Variants in PCDHGA9 observed in about 807,000 individuals in gnomAD.
PCDHGA9 encodes the protein protocadherin gamma-A9.
In PCDHGA9, 37 loss-of-function variants were observed where a neutral mutation model predicts 62.5. The ratio of observed to expected loss-of-function variants is 0.59; its 90% CI spans 0.46 to 0.78. The LOEUF (loss-of-function observed/expected upper bound fraction) is 0.78, where lower values mean the gene tolerates loss of function less well. PCDHGA9 is among the 30% of genes least tolerant of loss of function. The pLI is 0.00. For missense variants in PCDHGA9, 1,138 were observed against 1,166.2 expected, an observed-to-expected ratio of 0.98 and a Z score of 0.35; for synonymous variants, 459 against 484.6, an observed-to-expected ratio of 0.95 and a Z score of 0.69.
rs753538822 is a variant in PCDHGA9, at chr5:141,476,676, G to C, written c.2425-18131G>C. 6 of 1,614,222 alleles carry C rather than the reference G, an allele frequency of 3.7e-6. No individual in the cohort carries two copies. Among genetic ancestry groups the C allele is most frequent in the Non-Finnish European group, 4.2e-6 (5 of 1,180,054 alleles). ...TACTTTGCGCTTCGCGTGCAGACGCGGGAGGACAGCACCAAGTACGCGGAG... is the reference window on the plus strand; with the variant it reads ...TACTTTGCGCTTCGCGTGCAGACGCCGGAGGACAGCACCAAGTACGCGGAG... On this transcript the variant is annotated intron_variant, in intron 1 of 3. Transcript: ENST00000573521. The surrounding 1 kb of genome is among the most constrained non-coding windows in gnomAD (Gnocchi z 7.6).
At chr5:141,414,622 C>T in intron 1 of PCDHGA9, 1 of 1,613,956 alleles carries the variant, frequency 6.2e-7, no homozygotes. Context: ...AGCGCTGGAC[C>T]CGGACAGCAA....
chr5:141,511,202 C>T lies in PCDHGA9; in HGVS notation c.*29C>T, dbSNP rs201024828. 2.0e-3 allele frequency: 3,296 copies of T among 1,612,132 alleles called. 7 individuals carry two copies. Among genetic ancestry groups the T allele is most frequent in the Middle Eastern group, 0.013 (77 of 6,006 alleles). On this transcript the variant is annotated 3_prime_UTR_variant, in exon 4 of 4. Coordinates refer to ENST00000573521, the MANE Select transcript of PCDHGA9 (RefSeq NM_018921.3). ...GGAGGCCAGGCCAAGAGCCACAGGG[C>T]GGCCTCTCCCCAACCAGCCCAGCTT...
At chr5:141,438,366 G>A (rs749623408) in intron 1 of PCDHGA9, among the ~76,000 whole-genome samples, 6 of 151,462 alleles carry the variant, frequency 4.0e-5, no homozygotes, top group Non-Finnish European at 7.4e-5. Context: ...TTGTCATTGA[G>A]GGCAGATATA....
At chr5:141,433,358 C>CCTAA (rs1554125965) in intron 1 of PCDHGA9, 1 of 503,368 alleles carries the variant, frequency 2.0e-6, no homozygotes, top group Non-Finnish European at 3.5e-6. Flanking sequence ...CTACTGTCTG[C>CCTAA]CTATCTATCT....
intron 1 of PCDHGA9, chr5:141,478,636 T>G: frequency 1.3e-6 from 2 of 1,552,744 alleles, no homozygotes; most frequent in South Asian, 2.4e-5. Flanking sequence ...TTTTTAGTGA[T>G]GAAGATGTTT....
chr5:141,447,919 C>G (rs940570932), intron 1 of PCDHGA9, among the ~76,000 whole-genome samples: 2 of 152,012 alleles, frequency 1.3e-5, no homozygotes, highest in East Asian at 1.9e-4. Context: ...AACTCTGTCT[C>G]CACTAAAAAT....
At chr5:141,409,896 C>A (rs1181128940) in intron 1 of PCDHGA9, 1 of 1,613,240 alleles carries the variant, frequency 6.2e-7, no homozygotes, top group African/African-American at 1.3e-5. Context: ...GTGCTGTACC[C>A]AGCTCTGGGT....
chr5:141,421,125 C>G, intron 1 of PCDHGA9: 1 of 804,210 alleles, frequency 1.2e-6, no homozygotes, highest in Admixed American at 3.0e-5. Flanking sequence ...CCTTCGCTTT[C>G]TGATATATTT....
chr5:141,433,993 T>G (rs1367687577), intron 1 of PCDHGA9, among the ~76,000 whole-genome samples: 1 of 152,216 alleles, frequency 6.6e-6, no homozygotes, highest in Non-Finnish European at 1.5e-5. Context: ...GAGTTTTATA[T>G]TCTCTATATA....
chr5:141,424,391 C>T (rs2096818270), intron 1 of PCDHGA9: 1 of 152,106 alleles, frequency 6.6e-6, no homozygotes, highest in South Asian at 2.1e-4. Flanking sequence ...GATGTCTTTT[C>T]CATTACTATG....
In PCDHGA9 at chr5:141,491,996, G is replaced by T; in HGVS notation, c.2425-2811G>T. ...TCCTTCGAGCTTCCGGTGAATTTCG[G>T]GCGATTTCCGCGGGTGTCGGGGGTC... is the stretch of plus-strand genomic sequence containing the variant. On this transcript the variant is annotated intron_variant, in intron 1 of 3. Coordinates refer to ENST00000573521, the MANE Select transcript of PCDHGA9 (RefSeq NM_018921.3). This position sits in a 1 kb window ranked among gnomAD's most constrained non-coding sequence, Gnocchi z 6.9. The T allele has an allele frequency of 2.9e-6, 2 of 686,328 alleles. No individual in the cohort carries two copies. Among genetic ancestry groups the T allele is most frequent in the Non-Finnish European group, 4.5e-6 (2 of 441,080 alleles). 42.5% of individuals were successfully genotyped at this position (686,328 alleles called of 1,614,324 possible). A position where few individuals can be genotyped will look rare whatever the true frequency, so the allele number is the denominator to read the frequency against.
chr5:141,510,251 C>T (rs569804850), intron 3 of PCDHGA9, among the ~76,000 whole-genome samples: 5 of 144,790 alleles, frequency 3.5e-5, no homozygotes, highest in South Asian at 4.3e-4. Flanking sequence ...CCAGGCTGGG[C>T]GACAGAGCAG....
Position 141,431,449 on chromosome 5 carries a change from G to A in PCDHGA9, c.2424+26073G>A. Reference sequence around the variant, plus strand: ...GCACAGGCACCGCGCGCATCCGCGTGATGGTTCTGGATGCGAACGACAACG... The same window carrying A: ...GCACAGGCACCGCGCGCATCCGCGTAATGGTTCTGGATGCGAACGACAACG... On this transcript the variant is annotated intron_variant, in intron 1 of 3. Coordinates refer to ENST00000573521, the MANE Select transcript of PCDHGA9 (RefSeq NM_018921.3). The surrounding 1 kb of genome is among the most constrained non-coding windows in gnomAD (Gnocchi z 4.8). The A allele has an allele frequency of 6.2e-7, 1 of 1,613,742 alleles. No individual in the cohort carries two copies. Among genetic ancestry groups the A allele is most frequent in the South Asian group, 1.1e-5 (1 of 91,082 alleles).
intron 1 of PCDHGA9, among the ~76,000 whole-genome samples, chr5:141,461,126 T>C (rs575819058): frequency 6.6e-6 from 1 of 152,260 alleles, no homozygotes; most frequent in Non-Finnish European, 1.5e-5. Flanking sequence ...TTTCATATAA[T>C]TACTTATTTT....
chr5:141,428,001 T>C (rs149531447), intron 1 of PCDHGA9: 1 of 1,601,704 alleles, frequency 6.2e-7, no homozygotes, highest in Admixed American at 1.7e-5. Flanking sequence ...CTCCGCACTC[T>C]TCGATATAGT....
chr5:141,496,126 C>T (rs934132550), intron 2 of PCDHGA9, among the ~76,000 whole-genome samples: 2 of 152,062 alleles, frequency 1.3e-5, no homozygotes, highest in African/African-American at 4.8e-5. Context: ...CCCTGCCCCT[C>T]ACACACTGAG....
rs368927472 is a variant in PCDHGA9 at position 141,490,874 on chromosome 5, A to G, written c.2425-3933A>G. The G allele has an allele frequency of 2.4e-5, 39 of 1,613,830 alleles. No individual in the cohort carries two copies. Among genetic ancestry groups the G allele is most frequent in the Non-Finnish European group, 3.1e-5 (36 of 1,179,960 alleles). ...CGAGACTCCGGCTCTCCCCCATTGCATGCCAACACATCTCTGCATGTGTTT... is the reference window on the plus strand; with the variant it reads ...CGAGACTCCGGCTCTCCCCCATTGCGTGCCAACACATCTCTGCATGTGTTT... On this transcript the variant is annotated intron_variant, in intron 1 of 3. Transcript: ENST00000573521. This position sits in a 1 kb window ranked among gnomAD's most constrained non-coding sequence, Gnocchi z 5.4.
intron 1 of PCDHGA9, chr5:141,418,106 G>T (rs2096223296): frequency 6.2e-7 from 1 of 1,613,954 alleles, no homozygotes. Flanking sequence ...GCAGAGCGGG[G>T]ACTTACTTGT....
In PCDHGA9 at chr5:141,476,466, A is replaced by C. The variant is rs771760524; in HGVS notation, c.2425-18341A>C. The C allele has an allele frequency of 6.2e-7, 1 of 1,613,996 alleles. No individual in the cohort carries two copies. Reference sequence around the variant, plus strand: ...GAGTTGGTAGTGGAGAACCCGCTGGAGCTGTTCAGCGTGGAAGTGGTGATC... The same window carrying C: ...GAGTTGGTAGTGGAGAACCCGCTGGCGCTGTTCAGCGTGGAAGTGGTGATC... On this transcript the variant is annotated intron_variant, in intron 1 of 3. Transcript: ENST00000573521. This position sits in a 1 kb window ranked among gnomAD's most constrained non-coding sequence, Gnocchi z 7.6.
Sources: allele counts gnomAD v4.1 joint callset (sites outside exome capture counted in the v4.1 genomes callset), GRCh38; gene constraint gnomAD v4.1.1; non-coding constraint Gnocchi (gnomAD v3.1); transcripts MANE v1.5; gene names NCBI Gene and HGNC (gene_info 2026-07-23, HGNC 2026-07-21).